NCOR2: variants seen among roughly 807,000 people sequenced by gnomAD.
The protein encoded by NCOR2 is nuclear receptor corepressor 2.
A neutral mutation model predicts 262.9 loss-of-function variants in NCOR2; 81 were observed. The observed-to-expected ratio is 0.31, with a 90% confidence interval of 0.26 to 0.37. NCOR2 has a LOEUF of 0.37. Among genes scored for constraint, NCOR2 ranks in the 10% least tolerant of loss-of-function variants. The pLI, the probability that NCOR2 is intolerant of heterozygous loss-of-function variation, is 1.00. For missense variants in NCOR2, 3,385 were observed against 3,621.4 expected (o/e 0.93, Z 1.68); for synonymous variants, 1,659 against 1,559.3 (o/e 1.06, Z -1.51).
intron 1 of NCOR2, among the ~76,000 whole-genome samples, chr12:124,500,635 T>G (rs756740933): frequency 6.6e-6 from 1 of 152,052 alleles, no homozygotes; most frequent in Non-Finnish European, 1.5e-5. Flanking sequence ...CACACCTGTG[T>G]CCTCTTCCCA....
At chr12:124,532,963 C>T (rs71446209) in intron 1 of NCOR2, among the ~76,000 whole-genome samples, 6,321 of 32,514 alleles carry the variant, frequency 0.19, 782 homozygotes, top group East Asian at 0.4. Flanking sequence ...CTCCTCTTCC[C>T]CCCTCCCTCC....
intron 15 of NCOR2, among the ~76,000 whole-genome samples, chr12:124,398,490 A>G (rs2041817010): frequency 1.3e-5 from 2 of 152,174 alleles, no homozygotes; most frequent in South Asian, 4.1e-4. Flanking sequence ...CATTTTATAG[A>G]AGGGGACACT....
chr12:124,555,058 C>G (rs1424146439), intron 1 of NCOR2, among the ~76,000 whole-genome samples: 1 of 152,216 alleles, frequency 6.6e-6, no homozygotes, highest in Admixed American at 6.5e-5. Context: ...GACAGCTGCC[C>G]ACCAAGCAAG....
At chr12:124,341,554 C>T (rs1470745872) in intron 34 of NCOR2, among the ~76,000 whole-genome samples, 2 of 152,164 alleles carry the variant, frequency 1.3e-5, no homozygotes, top group African/African-American at 4.8e-5. Context: ...GATCTTTAAA[C>T]TCCTGAGGCC....
At position 124,558,639 on chromosome 12, in the gene NCOR2, T is replaced by C. The variant is rs1257673696; in HGVS notation, c.-165+8669A>G. Among the ~76,000 whole-genome samples, 3 of 152,132 alleles carry C rather than the reference T, an allele frequency of 2.0e-5. No individual in the cohort carries two copies. In the East Asian group the frequency reaches 5.8e-4, roughly 29 times the overall value. On this transcript the variant is annotated intron_variant, in intron 1 of 32. Transcript: ENST00000458234. The stretch of plus-strand genomic sequence containing the variant: ...GATGCGGGGGTCAATGATCCACTTT[T>C]GCATAGGTGGGATCCGAGGTCCCTT...
At chr12:124,356,764 T>C in exon 23 of NCOR2, 1 of 1,486,640 alleles carries the variant, frequency 6.7e-7, no homozygotes. Context: ...AGGCAGCTTC[T>C]GGGCCTCGGC....
At chr12:124,552,614 G>C (rs1163677965) in intron 1 of NCOR2, among the ~76,000 whole-genome samples, 1 of 152,192 alleles carries the variant, frequency 6.6e-6, no homozygotes, top group Admixed American at 6.5e-5. Flanking sequence ...CTCTGTGGGG[G>C]CAGCAAGCAT....
intron 28 of NCOR2, chr12:124,348,516 T>G: frequency 1.6e-6 from 1 of 636,734 alleles, no homozygotes. Context: ...CAGGAGCTTT[T>G]CCAGGGGGTT....
intron 44 of NCOR2, 114 bp downstream of exon 46, chr12:124,330,731 G>A: frequency 1.7e-6 from 2 of 1,182,554 alleles, no homozygotes; most frequent in Middle Eastern, 2.2e-4. Context: ...CCCAGAATGA[G>A]GGGGTACACC....
chr12:124,491,385 G>A (rs141531522), intron 1 of NCOR2, among the ~76,000 whole-genome samples: 12 of 152,326 alleles, frequency 7.9e-5, no homozygotes, highest in Non-Finnish European at 1.6e-4. Flanking sequence ...TTGCTCAACT[G>A]ATAGGGAAAC....
chr12:124,408,582 C>T (rs565544891), intron 13 of NCOR2, among the ~76,000 whole-genome samples: 8 of 151,720 alleles, frequency 5.3e-5, no homozygotes, highest in Non-Finnish European at 1.0e-4. Context: ...CCTGTCACTA[C>T]AAATTAGCTG....
chr12:124,374,872 G>A (rs904561769), intron 18 of NCOR2, among the ~76,000 whole-genome samples: 1 of 152,184 alleles, frequency 6.6e-6, no homozygotes, highest in African/African-American at 2.4e-5. Flanking sequence ...GAGGCTTTTG[G>A]GGCTGCTGGG....
chr12:124,362,087 T>C (rs766497449), intron 22 of NCOR2, 39 bp downstream of exon 24: 1 of 1,265,734 alleles, frequency 7.9e-7, no homozygotes. Context: ...GTCAGTCCCC[T>C]GCTGCCCCAG....
chr12:124,366,149 AGCACC>A (rs2135989039), intron 20 of NCOR2, among the ~76,000 whole-genome samples: 1 of 152,336 alleles, frequency 6.6e-6, no homozygotes, highest in South Asian at 2.1e-4. Context: ...CCACCACTGC[AGCACC>A]GCCCAGCGCA....
At position 124,353,004 on chromosome 12, in the gene NCOR2, G is replaced by A. The variant is rs145723959; in HGVS notation, c.3693+1089C>T. Among the ~76,000 whole-genome samples the A allele has an allele frequency of 9.1e-4, 139 of 152,316 alleles. 3 individuals carry two copies. In the East Asian group the frequency reaches 0.014, roughly 15 times the overall value. On this transcript the variant is annotated intron_variant, in intron 27 of 46. Coordinates refer to ENST00000405201, the Ensembl canonical transcript of NCOR2. ...ACGGCTCTGTGCGTGCAGGCCACAC[G>A]CTGACTTCCTCACTATCTGGTAGTG... is the stretch of plus-strand genomic sequence containing the variant.
At position 124,481,856 on chromosome 12, in the gene NCOR2, G is replaced by A. The variant is rs1022634162; in HGVS notation, c.411+1740C>T. Among the ~76,000 whole-genome samples, 7 of 152,152 alleles carry A rather than the reference G, an allele frequency of 4.6e-5. No homozygotes were observed. The highest frequency in any genetic ancestry group is 1.7e-4 in the African/African-American group (7 of 41,424). On this transcript the variant is annotated intron_variant, in intron 3 of 46. Coordinates refer to ENST00000405201, the Ensembl canonical transcript of NCOR2. The surrounding 1 kb of genome is among the most constrained non-coding windows in gnomAD (Gnocchi z 4.6). Reference sequence around the variant, plus strand: ...GCTGCTGCTTGGAAGATAAACTGAAGGGAGTAGAGGGAGGCAGGAGCAGGG... The same window carrying A: ...GCTGCTGCTTGGAAGATAAACTGAAAGGAGTAGAGGGAGGCAGGAGCAGGG...
chr12:124,376,244 C>T (rs1041880386), intron 18 of NCOR2, among the ~76,000 whole-genome samples: 1 of 152,222 alleles, frequency 6.6e-6, no homozygotes, highest in African/African-American at 2.4e-5. Flanking sequence ...CCTCCTCCCC[C>T]ACCCAGCAGA....
chr12:124,539,882 G>A (rs779475691), upstream of NCOR2, among the ~76,000 whole-genome samples: 7 of 152,024 alleles, frequency 4.6e-5, no homozygotes, highest in Non-Finnish European at 1.0e-4. This position sits in a 1 kb window ranked among gnomAD's most constrained non-coding sequence, Gnocchi z 5.1. Flanking sequence ...AACCTGACTC[G>A]TCCATTCGCC....
At chr12:124,355,547 T>C (rs2037880479) in exon 24 of NCOR2, 2 of 1,586,972 alleles carry the variant, frequency 1.3e-6, no homozygotes, top group Non-Finnish European at 8.6e-7. Flanking sequence ...GGCAGTGTCA[T>C]GGAGGCCCAG....
Sources: gnomAD v4.1 joint callset for allele counts (sites outside exome capture counted in the v4.1 genomes callset) on GRCh38, gnomAD v4.1.1 for gene constraint, Gnocchi (gnomAD v3.1) non-coding constraint, MANE v1.5 for transcripts, NCBI Gene and HGNC (gene_info 2026-07-23, HGNC 2026-07-21) for gene names.